The following CD276 variants were observed in gnomAD, a reference collection of about 807,000 sequenced individuals.
The protein encoded by CD276 is CD276 molecule, also known as CD276 antigen.
In CD276, 34 loss-of-function variants were observed where a neutral mutation model predicts 50.0. The ratio of observed to expected loss-of-function variants is 0.68; its 90% confidence interval spans 0.52 to 0.91. The LOEUF (loss-of-function observed/expected upper bound fraction) is 0.91, where lower values mean the gene tolerates loss of function less well. Ranked by LOEUF, CD276 falls within the 40% of genes least tolerant of loss-of-function variation. CD276 has a pLI of 0.00. For synonymous variants in CD276, 275 were observed against 313.0 expected, an observed-to-expected ratio of 0.88 and a Z score of 1.28; for missense variants, 634 against 717.5, an observed-to-expected ratio of 0.88 and a Z score of 1.33.
In CD276 at chr15:73,703,719, C is replaced by A; in HGVS notation, c.794C>A (p.Thr265Asn). 1 of 1,613,322 alleles carries A rather than the reference C, an allele frequency of 6.2e-7. No homozygotes were observed. Among genetic ancestry groups the A allele is most frequent in the Non-Finnish European group, 8.5e-7 (1 of 1,179,970 alleles). The stretch of plus-strand genomic sequence containing the variant: ...GTGGCCCTAGTGGGCACCGATGCCA[C>A]CCTGCGCTGCTCCTTCTCCCCCGAG... ...PVVALVGTDA[T>N]LRCSFSPEPG... Residue 265 changes from threonine to asparagine, a missense_variant, in exon 5 of 10, where the codon ACC becomes AAC. Transcript: ENST00000318443.
rs149360961 is a variant in CD276 at position 73,704,325 on chromosome 15, G to A, written c.1222G>A (p.Val408Met). The A allele has an allele frequency of 1.1e-4, 170 of 1,613,936 alleles. 2 individuals are homozygous for A. The African/African-American group carries it at 1.5e-3, about 14-fold the overall frequency. Residue 408 changes from valine to methionine, a missense_variant, in exon 6 of 10, where the codon GTG becomes ATG. By Grantham distance (21) the Val-to-Met change is conservative. Transcript: ENST00000318443. This position sits in a 1 kb window ranked among gnomAD's most constrained non-coding sequence, Gnocchi z 4.1. ...DGQGVPLTGN[V>M]TTSQMANEQG... is the part of the protein sequence containing the mutation. ...GCAGGGTGTGCCCCTGACTGGCAAC[G>A]TGACCACGTCGCAGATGGCCAACGA... is the stretch of plus-strand genomic sequence containing the variant.
chr15:73,689,282 C>G (rs573524926), intron 1 of CD276, among the ~76,000 whole-genome samples: 2 of 151,890 alleles, frequency 1.3e-5, no homozygotes, highest in South Asian at 2.1e-4. Flanking sequence ...GCACATGCCT[C>G]TAGTTCCAGG....
chr15:73,684,383 A>G lies in CD276; in HGVS notation c.-132A>G, dbSNP rs947473973. On this transcript the variant is annotated 5_prime_UTR_variant, in exon 1 of 10. Coordinates refer to ENST00000318443, the MANE Select transcript of CD276 (RefSeq NM_001024736.2). ...ACTCCCCGGGCCGCCCCCGGCCCCC[A>G]TTCGGGCCGGGCCTCGCTGCGGCGG... The G allele has an allele frequency of 6.6e-6, 1 of 151,314 alleles. No individual in the cohort carries two copies. Among genetic ancestry groups the G allele is most frequent in the African/African-American group, 2.4e-5 (1 of 41,244 alleles). The allele number at this position is 151,314 out of a possible 1,614,324, so 9.4% of individuals were successfully genotyped here.
At chr15:73,689,831 T>G (rs1023567391) in intron 1 of CD276, among the ~76,000 whole-genome samples, 2 of 152,156 alleles carry the variant, frequency 1.3e-5, no homozygotes, top group Non-Finnish European at 2.9e-5. Flanking sequence ...GGTCACAGCA[T>G]GGGATGGTGG....
intron 1 of CD276, among the ~76,000 whole-genome samples, chr15:73,692,856 C>A (rs1900036938): frequency 6.6e-6 from 1 of 152,258 alleles, no homozygotes; most frequent in African/African-American, 2.4e-5. Flanking sequence ...ATGGGAACAA[C>A]AGATCGATAA....
intron 1 of CD276, among the ~76,000 whole-genome samples, chr15:73,694,431 GAGA>G (rs1168151675): frequency 1.3e-5 from 2 of 151,906 alleles, no homozygotes; most frequent in African/African-American, 4.9e-5. Context: ...AGACGGGGAA[GAGA>G]AGGAGGGAAA....
intron 1 of CD276, among the ~76,000 whole-genome samples, chr15:73,688,220 G>A (rs1024376801): frequency 6.6e-6 from 1 of 152,064 alleles, no homozygotes; most frequent in African/African-American, 2.4e-5. Flanking sequence ...CAGGGAGAGT[G>A]GGGTAGGGGC....
Position 73,699,573 on chromosome 15 carries a change from C to T in CD276, c.-54-13C>T, listed in dbSNP as rs1316734237. The stretch of plus-strand genomic sequence containing the variant: ...CCTTTGGAGACAAAGGCCTTGCGTC[C>T]TCTTTCTCCCAGGCAGGGGCAGCCT... On this transcript the variant is annotated splice_polypyrimidine_tract_variant and intron_variant, in intron 1 of 9. Coordinates refer to ENST00000318443, the MANE Select transcript of CD276 (RefSeq NM_001024736.2). The T allele has an allele frequency of 6.3e-7, 1 of 1,586,960 alleles. No individual in the cohort carries two copies. The highest frequency in any genetic ancestry group is 8.6e-7 in the Non-Finnish European group (1 of 1,168,932).
intron 1 of CD276, among the ~76,000 whole-genome samples, chr15:73,685,813 G>A (rs1006503341): frequency 3.3e-5 from 5 of 152,178 alleles, no homozygotes; most frequent in Non-Finnish European, 7.3e-5. Context: ...GGGAACTGAA[G>A]TCTAAACTTG....
chr15:73,703,392 T>C (rs1402319865), intron 4 of CD276, among the ~76,000 whole-genome samples: 1 of 152,120 alleles, frequency 6.6e-6, no homozygotes, highest in African/African-American at 2.4e-5. Flanking sequence ...TCACCAGGGC[T>C]GGAGCTGGTG....
chr15:73,711,251 T>C lies in CD276; in HGVS notation c.1582+81T>C. ...AGGCTGAGAGGGTGGGTAGGCATCATCCTTTCACTAGTGACCTGAGGCCCC... is the reference window on the plus strand; with the variant it reads ...AGGCTGAGAGGGTGGGTAGGCATCACCCTTTCACTAGTGACCTGAGGCCCC... On this transcript the variant is annotated intron_variant, in intron 9 of 9. Transcript: ENST00000318443. 6 of 1,462,454 alleles carry C rather than the reference T, an allele frequency of 4.1e-6. No individual in the cohort carries two copies. In the South Asian group the frequency reaches 6.8e-5, roughly 17 times the overall value. 90.6% of individuals were successfully genotyped at this position (1,462,454 alleles called of 1,614,324 possible).
At chr15:73,685,492 T>G (rs1043832666) in intron 1 of CD276, among the ~76,000 whole-genome samples, 1 of 137,562 alleles carries the variant, frequency 7.3e-6, no homozygotes, top group African/African-American at 2.8e-5. Context: ...TGTGTGTGTG[T>G]GTGGCGGGTG....
At position 73,703,679 on chromosome 15, in the gene CD276, CCT is replaced by C. The variant is rs760881156; in HGVS notation, c.755_756del (p.Pro252ArgfsTer139). 6.2e-7 allele frequency: 1 copy of C among 1,612,052 alleles called. No individual in the cohort carries two copies. The highest frequency in any genetic ancestry group is 8.5e-7 in the Non-Finnish European group (1 of 1,179,346). ...SPTGAVEVQV[P>X]EDPVVALVGT... Reference sequence around the variant, plus strand: ...CCCAGGAGCCGTGGAGGTCCAGGTCCCTGAGGACCCGGTGGTGGCCCTAGTGG... The same window carrying C: ...CCCAGGAGCCGTGGAGGTCCAGGTCCGAGGACCCGGTGGTGGCCCTAGTGG... On this transcript the variant is annotated frameshift_variant, in exon 5 of 10. Coordinates refer to ENST00000318443, the MANE Select transcript of CD276 (RefSeq NM_001024736.2). LOFTEE classifies it high-confidence loss of function.
chr15:73,703,111 G>T, intron 4 of CD276, 25 bp downstream of exon 4: 1 of 1,546,760 alleles, frequency 6.5e-7, no homozygotes. Context: ...ATGTCCCCTT[G>T]GGGGAGGGGG....
At chr15:73,708,550 T>C (rs1435574755) in intron 7 of CD276, 77 bp downstream of exon 7, 2 of 1,492,364 alleles carry the variant, frequency 1.3e-6, no homozygotes, top group Non-Finnish European at 1.8e-6. Context: ...TTGATGTCAA[T>C]AGAGTGTCAC....
chr15:73,704,478 G>A lies in CD276; in HGVS notation c.1369+6G>A, dbSNP rs553623529. 6 of 1,609,966 alleles carry A rather than the reference G, an allele frequency of 3.7e-6. No homozygotes were observed. Among genetic ancestry groups the A allele is most frequent in the African/African-American group, 2.7e-5 (2 of 75,010 alleles). The stretch of plus-strand genomic sequence containing the variant: ...CGGCTCTGTCACCATCACAGGTAAG[G>A]GCAGATGAACAGCTGGGGAAGGACG... On this transcript the variant is annotated splice_donor_region_variant and intron_variant, in intron 6 of 9. Coordinates refer to ENST00000318443, the MANE Select transcript of CD276 (RefSeq NM_001024736.2). The surrounding 1 kb of genome is among the most constrained non-coding windows in gnomAD (Gnocchi z 4.1).
At chr15:73,685,122 T>C (rs1899691453) in intron 1 of CD276, 1 of 144,542 alleles carries the variant, frequency 6.9e-6, no homozygotes, top group Non-Finnish European at 1.5e-5. Context: ...TGAATAGGTG[T>C]TGGGGGTGGG....
chr15:73,712,503 G>A (rs893836339), intron 9 of CD276, among the ~76,000 whole-genome samples: 5 of 152,020 alleles, frequency 3.3e-5, no homozygotes, highest in African/African-American at 9.6e-5. Flanking sequence ...GAAGGAGGAG[G>A]GCCCCTGCCG....
chr15:73,684,308 C>A (rs1002605624), upstream of CD276: 3 of 151,940 alleles, frequency 2.0e-5, no homozygotes, highest in Non-Finnish European at 4.4e-5. Flanking sequence ...CCGGAGCCGC[C>A]TTTCCGGGCC....
Sources: allele counts gnomAD v4.1 joint callset (sites outside exome capture counted in the v4.1 genomes callset), GRCh38; gene constraint gnomAD v4.1.1; non-coding constraint Gnocchi (gnomAD v3.1); transcripts MANE v1.5; gene names NCBI Gene and HGNC (gene_info 2026-07-23, HGNC 2026-07-21).